XRCC5: variants seen among roughly 807,000 people sequenced by gnomAD.
XRCC5 encodes DNA repair protein Ku80.
A neutral mutation model predicts 95.7 loss-of-function variants in XRCC5; 12 were observed. That is an observed-to-expected ratio of 0.13 (90% CI 0.08 to 0.20). The LOEUF (loss-of-function observed/expected upper bound fraction) is 0.20. XRCC5 is among the 10% of genes least tolerant of loss of function. The pLI is 1.00. For synonymous variants in XRCC5, 281 were observed against 290.3 expected (o/e 0.97, Z 0.33); for missense variants, 595 against 873.9 (o/e 0.68, Z 4.02).
chr2:216,135,435 C>T (rs964500430), intron 10 of XRCC5, among the ~76,000 whole-genome samples: 5 of 152,056 alleles, frequency 3.3e-5, no homozygotes, highest in East Asian at 1.9e-4. Flanking sequence ...AAGGGAGTGA[C>T]GTGATGAGCT....
chr2:216,157,394 C>G (rs1327820105), intron 14 of XRCC5, among the ~76,000 whole-genome samples: 1 of 151,936 alleles, frequency 6.6e-6, no homozygotes, highest in African/African-American at 2.4e-5. Flanking sequence ...CCACCATGCC[C>G]GGCTAATGTT....
chr2:216,174,495 C>T (rs1325133703), intron 16 of XRCC5, among the ~76,000 whole-genome samples: 1 of 152,090 alleles, frequency 6.6e-6, no homozygotes, highest in Non-Finnish European at 1.5e-5. Context: ...TACTAAAATA[C>T]AGAAAAACTA....
chr2:216,178,134 C>T (rs1186072281), intron 16 of XRCC5, among the ~76,000 whole-genome samples: 1 of 152,156 alleles, frequency 6.6e-6, no homozygotes, highest in East Asian at 1.9e-4. Flanking sequence ...TGTGTCACCC[C>T]ATGAAAATTG....
intron 11 of XRCC5, 33 bp from the exon 12 acceptor site, chr2:216,138,056 G>A (rs762534047): frequency 3.5e-5 from 53 of 1,523,840 alleles, no homozygotes; most frequent in Admixed American, 1.9e-4. Flanking sequence ...TAATTTCATC[G>A]TTTCTGCTTT....
At chr2:216,131,282 T>C (rs1000749987) in intron 9 of XRCC5, 8 of 983,058 alleles carry the variant, frequency 8.1e-6, no homozygotes, top group Non-Finnish European at 9.7e-6. Context: ...CCCTCATCCC[T>C]TTGAGGTTCA....
At chr2:216,109,528 A>G in intron 1 of XRCC5, 71 bp downstream of exon 1, 1 of 1,597,666 alleles carries the variant, frequency 6.3e-7, no homozygotes, top group Non-Finnish European at 8.5e-7. Context: ...GGAAGCAGGA[A>G]TCGTGGGATC....
intron 18 of XRCC5, among the ~76,000 whole-genome samples, chr2:216,193,751 A>G (rs1420303999): frequency 6.6e-6 from 1 of 152,168 alleles, no homozygotes; most frequent in Non-Finnish European, 1.5e-5. Context: ...CAAAATCCAT[A>G]TTTTCTGATA....
intron 3 of XRCC5, 54 bp downstream of exon 3, chr2:216,116,896 C>T (rs980527208): frequency 1.0e-5 from 16 of 1,582,998 alleles, no homozygotes; most frequent in African/African-American, 5.4e-5. Context: ...TTCTGGGAAT[C>T]GTACAGCAGT....
At chr2:216,182,832 T>C (rs1453156244) in intron 16 of XRCC5, among the ~76,000 whole-genome samples, 3 of 152,168 alleles carry the variant, frequency 2.0e-5, no homozygotes, top group African/African-American at 4.8e-5. Context: ...ATTGATGACC[T>C]TCAGGCTTTA....
intron 16 of XRCC5, chr2:216,175,860 C>CA: frequency 2.3e-6 from 1 of 434,080 alleles, no homozygotes; most frequent in South Asian, 1.8e-5. Context: ...CCCCCTTTCT[C>CA]AAAATGTTCT....
Position 216,203,937 on chromosome 2 carries a change from A to G in XRCC5, c.2110-385A>G, listed in dbSNP as rs567337188. 3 of 173,986 alleles carry G rather than the reference A, an allele frequency of 1.7e-5. No homozygotes were observed. In the South Asian group the frequency reaches 4.6e-4, roughly 27 times the overall value. 10.8% of individuals were successfully genotyped at this position (173,986 alleles called of 1,614,324 possible). ...ATTCTCATGCTCCTTTCAAAAGAGC[A>G]TACTAGTTTGGGGTGGTTGGTTATT... On this transcript the variant is annotated intron_variant, in intron 19 of 20. Coordinates refer to ENST00000392132, the MANE Select transcript of XRCC5 (RefSeq NM_021141.4).
At chr2:216,189,555 G>A (rs764794573) in intron 16 of XRCC5, among the ~76,000 whole-genome samples, 1 of 152,110 alleles carries the variant, frequency 6.6e-6, no homozygotes, top group Non-Finnish European at 1.5e-5. Flanking sequence ...TCTTTCTGTA[G>A]CATTTATGAC....
At chr2:216,122,655 G>A (rs1036660611) in intron 6 of XRCC5, among the ~76,000 whole-genome samples, 2 of 150,650 alleles carry the variant, frequency 1.3e-5, no homozygotes, top group African/African-American at 4.9e-5. Context: ...GAGATAGTCA[G>A]TATCTTCTTA....
intron 17 of XRCC5, among the ~76,000 whole-genome samples, chr2:216,192,424 T>C (rs1689630561): frequency 6.6e-6 from 1 of 152,214 alleles, no homozygotes. Context: ...AAACTGACTC[T>C]GGGAAGCTCT....
At chr2:216,122,033 CACTA>C in intron 5 of XRCC5, 25 bp from the exon 6 acceptor site, 3 of 1,575,470 alleles carry the variant, frequency 1.9e-6, no homozygotes, top group Non-Finnish European at 1.7e-6. Context: ...AGGATTAGAA[CACTA>C]ACTACTGTTG....
intron 16 of XRCC5, among the ~76,000 whole-genome samples, chr2:216,178,287 AAATAGTAATAT>A (rs770255986): frequency 2.0e-5 from 3 of 152,328 alleles, no homozygotes; most frequent in South Asian, 2.1e-4. Flanking sequence ...GGGAAAATGC[AAATAGTAATAT>A]AATAGCATAT....
At chr2:216,195,885 C>A (rs1051288070) in intron 19 of XRCC5, among the ~76,000 whole-genome samples, 3 of 152,284 alleles carry the variant, frequency 2.0e-5, no homozygotes, top group South Asian at 2.1e-4. Context: ...TAAGCTTCTG[C>A]GATATGCTAG....
intron 12 of XRCC5, among the ~76,000 whole-genome samples, chr2:216,138,684 G>C (rs1697127147): frequency 6.6e-6 from 1 of 152,186 alleles, no homozygotes; most frequent in African/African-American, 2.4e-5. Flanking sequence ...GCTCCTGATT[G>C]AGCATCTGGC....
chr2:216,127,685 A>G lies in XRCC5; in HGVS notation c.937+11A>G. The G allele has an allele frequency of 1.9e-6, 3 of 1,588,668 alleles. No individual in the cohort carries two copies. The highest frequency in any genetic ancestry group is 2.6e-6 in the Non-Finnish European group (3 of 1,171,442). On this transcript the variant is annotated intron_variant, in intron 8 of 20. Coordinates refer to ENST00000392132, the MANE Select transcript of XRCC5 (RefSeq NM_021141.4). ...AGGATATTATTCAAGGTATGTCAGT[A>G]AGAGTTTTCACTGTTGCCTAAAAGA...
Sources: allele counts gnomAD v4.1 joint callset (sites outside exome capture counted in the v4.1 genomes callset), GRCh38; gene constraint gnomAD v4.1.1; transcripts MANE v1.5; gene names NCBI Gene and HGNC (gene_info 2026-07-23, HGNC 2026-07-21).